The following DYNC2I2 variants were observed in gnomAD, a reference collection of about 807,000 sequenced individuals.
The protein encoded by DYNC2I2 is dynein 2 intermediate chain 2.
Under a neutral mutation model 52.0 loss-of-function variants are expected in DYNC2I2, and 39 were observed. The observed-to-expected ratio is 0.75, with a 90% confidence interval of 0.58 to 0.98. DYNC2I2 has a LOEUF of 0.98. DYNC2I2 is among the 50% of genes least tolerant of loss of function. The pLI, the probability that DYNC2I2 is intolerant of heterozygous loss-of-function variation, is 0.00. For missense variants in DYNC2I2, 743 were observed against 728.4 expected (o/e 1.02, Z -0.23); for synonymous variants, 359 against 321.1 (o/e 1.12, Z -1.26).
the DYNC2I2 span, among the ~76,000 whole-genome samples, chr9:128,666,139 C>T: frequency 6.6e-6 from 1 of 151,588 alleles, no homozygotes; most frequent in African/African-American, 2.4e-5. Context: ...ACTTTGGGAG[C>T]CTAAGGCGGG....
At chr9:128,666,869 C>T in the DYNC2I2 span, among the ~76,000 whole-genome samples, 1 of 151,914 alleles carries the variant, frequency 6.6e-6, no homozygotes, top group Admixed American at 6.6e-5. Flanking sequence ...AAGTTCAAGA[C>T]CAGCCTGAGC....
At chr9:128,678,007 AC>A in the DYNC2I2 span, among the ~76,000 whole-genome samples, 2 of 152,050 alleles carry the variant, frequency 1.3e-5, no homozygotes, top group South Asian at 4.2e-4. Flanking sequence ...ATGGCAACAT[AC>A]TAACCACGTG....
chr9:128,649,617 G>T (rs1258476912), intron 1 of DYNC2I2, among the ~76,000 whole-genome samples: 6 of 148,898 alleles, frequency 4.0e-5, no homozygotes, highest in Non-Finnish European at 8.9e-5. Flanking sequence ...GGAACTCAGG[G>T]GGCAGAGATT....
At chr9:128,675,069 G>C in the DYNC2I2 span, among the ~76,000 whole-genome samples, 1 of 152,104 alleles carries the variant, frequency 6.6e-6, no homozygotes, top group Non-Finnish European at 1.5e-5. Flanking sequence ...ATTACACTAA[G>C]GCTATGTTGG....
chr9:128,674,456 A>T, the DYNC2I2 span, among the ~76,000 whole-genome samples: 3 of 149,308 alleles, frequency 2.0e-5, no homozygotes, highest in Non-Finnish European at 4.4e-5. Flanking sequence ...TTTAAAAAAA[A>T]ATTTTGGCCT....
At chr9:128,674,166 C>T in the DYNC2I2 span, among the ~76,000 whole-genome samples, 1 of 149,930 alleles carries the variant, frequency 6.7e-6, no homozygotes, top group Non-Finnish European at 1.5e-5. Flanking sequence ...GATGGAGTCT[C>T]GCTCTGTTGC....
the DYNC2I2 span, among the ~76,000 whole-genome samples, chr9:128,682,270 G>A: frequency 6.6e-6 from 1 of 151,854 alleles, no homozygotes. Flanking sequence ...GGACGATCTC[G>A]ATCTCCTGAC....
chr9:128,668,402 A>C, the DYNC2I2 span, among the ~76,000 whole-genome samples: 2 of 151,794 alleles, frequency 1.3e-5, no homozygotes. Flanking sequence ...ATTGGCCAGG[A>C]TGGTCTCCAT....
intron 1 of DYNC2I2, among the ~76,000 whole-genome samples, chr9:128,655,436 G>A (rs1339667456): frequency 6.8e-6 from 1 of 147,898 alleles, no homozygotes. Flanking sequence ...GCATAAACCC[G>A]GGAGGCGGAG....
At chr9:128,661,598 A>G (rs1860919414), upstream of DYNC2I2, among the ~76,000 whole-genome samples, 1 of 152,024 alleles carries the variant, frequency 6.6e-6, no homozygotes, top group Admixed American at 6.6e-5. Flanking sequence ...AGCCTGGGCA[A>G]TAAGAGTGAA....
chr9:128,677,619 G>A, the DYNC2I2 span, among the ~76,000 whole-genome samples: 1 of 150,854 alleles, frequency 6.6e-6, no homozygotes, highest in Non-Finnish European at 1.5e-5. Context: ...CCAATGTGGC[G>A]AAACCCCGTC....
At chr9:128,645,744 G>A (rs1376211922) in intron 1 of DYNC2I2, among the ~76,000 whole-genome samples, 1 of 152,044 alleles carries the variant, frequency 6.6e-6, no homozygotes, top group African/African-American at 2.4e-5. Flanking sequence ...TAAGCTTAGT[G>A]AGGAGGGCAT....
At chr9:128,660,092 CATT>C (rs1209761528), upstream of DYNC2I2, among the ~76,000 whole-genome samples, 1 of 150,372 alleles carries the variant, frequency 6.7e-6, no homozygotes, top group African/African-American at 2.4e-5. Flanking sequence ...CCTCAAAACT[CATT>C]ATTATTATTA....
At chr9:128,660,266 C>T (rs1468046983), upstream of DYNC2I2, among the ~76,000 whole-genome samples, 1 of 150,490 alleles carries the variant, frequency 6.6e-6, no homozygotes, top group African/African-American at 2.4e-5. Flanking sequence ...CCGCCACCAC[C>T]CCCAGCTAAG....
In DYNC2I2 at chr9:128,656,750, C is replaced by G. The variant is rs547183313; in HGVS notation, c.-24G>C. On this transcript the variant is annotated 5_prime_UTR_variant, in exon 1 of 9. Coordinates refer to ENST00000372715, the MANE Select transcript of DYNC2I2 (RefSeq NM_052844.4). ...ATGGAGACGGTTCCGCCCTCTCGTG[C>G]GGACGCACTCAGGCGCGACCTCCGC... is the stretch of plus-strand genomic sequence containing the variant. 2 of 1,343,692 alleles carry G rather than the reference C, an allele frequency of 1.5e-6. No individual in the cohort carries two copies. The highest frequency in any genetic ancestry group is 3.9e-5 in the Admixed American group (1 of 25,750). 83.2% of individuals were successfully genotyped at this position (1,343,692 alleles called of 1,614,324 possible). A position where few individuals can be genotyped will look rare whatever the true frequency, so the allele number is the denominator to read the frequency against.
At chr9:128,665,749 G>A in the DYNC2I2 span, among the ~76,000 whole-genome samples, 2 of 137,416 alleles carry the variant, frequency 1.5e-5, no homozygotes, top group Admixed American at 8.2e-5. Context: ...CGGCCTGGGC[G>A]ACAGAGTGAG....
chr9:128,677,166 A>G, the DYNC2I2 span, among the ~76,000 whole-genome samples: 5 of 151,518 alleles, frequency 3.3e-5, 1 homozygote, highest in African/African-American at 1.2e-4. Flanking sequence ...TTTTAATGTA[A>G]TATGTTCACA....
Position 128,634,320 on chromosome 9 carries a change from A to G in DYNC2I2, c.1278T>C (p.Pro426=), listed in dbSNP as rs1271802388. The G allele has an allele frequency of 6.2e-7, 1 of 1,612,966 alleles. No individual in the cohort carries two copies. Among genetic ancestry groups the G allele is most frequent in the Non-Finnish European group, 8.5e-7 (1 of 1,179,618 alleles). ...HVHLYSMLQA[P]PLTSLQLSLK... The stretch of plus-strand genomic sequence containing the variant: ...GGGAGAGCTGCAGCGAAGTCAAGGG[A>G]GGGGCCTGCAGCATGGAGTACAGGT... Residue 426 remains proline, a synonymous_variant, in exon 8 of 9, where the codon CCT becomes CCC. Coordinates refer to ENST00000372715, the MANE Select transcript of DYNC2I2 (RefSeq NM_052844.4).
At position 128,640,841 on chromosome 9, in the gene DYNC2I2, G is replaced by T; in HGVS notation, c.285C>A (p.Val95=). The change falls in exon 2 of 9, where the codon GTC becomes GTA. Residue 95 remains valine (V), a synonymous_variant. Transcript: ENST00000372715. ...CATACTGGGACGGGGGCTGCACGCT[G>T]ACAGGCACGGGGGCCTCCGTCTGCA... ...AQVQTEAPVP[V]SVQPPSQYDI... 6.2e-7 allele frequency: 1 copy of T among 1,613,980 alleles called. No homozygotes were observed.
Sources: gnomAD v4.1 joint callset for allele counts (sites outside exome capture counted in the v4.1 genomes callset) on GRCh38, gnomAD v4.1.1 for gene constraint, MANE v1.5 for transcripts, NCBI Gene and HGNC (gene_info 2026-07-23, HGNC 2026-07-21) for gene names.